The following WFDC11 variants were observed in gnomAD, a reference collection of about 807,000 sequenced individuals.
WFDC11 encodes WAP four-disulfide core domain 11, also known as protein WFDC11.
A neutral mutation model predicts 9.9 loss-of-function variants in WFDC11; 9 were observed. The observed-to-expected ratio is 0.91, with a 90% CI of 0.55 to 1.58. The LOEUF is 1.58. Among genes scored for constraint, WFDC11 ranks in the 40% most tolerant of loss-of-function variants. The probability of loss-of-function intolerance (pLI) is 0.00; values close to 1 mark genes in which losing one functional copy is unlikely to be tolerated. For missense variants in WFDC11, 106 were observed against 101.7 expected (o/e 1.04, Z -0.18); for synonymous variants, 32 against 33.3 (o/e 0.96, Z 0.13).
At chr20:45,666,852 T>C (rs893793181) in intron 2 of WFDC11, among the ~76,000 whole-genome samples, 8 of 152,232 alleles carry the variant, frequency 5.3e-5, no homozygotes, top group Non-Finnish European at 8.8e-5. Context: ...AGCATGTAGA[T>C]GATGCTGTGT....
At chr20:45,662,160 A>G (rs1374226656) in intron 2 of WFDC11, among the ~76,000 whole-genome samples, 1 of 151,970 alleles carries the variant, frequency 6.6e-6, no homozygotes, top group Non-Finnish European at 1.5e-5. Context: ...ATACCTAGGT[A>G]TTTTATTCTC....
intron 2 of WFDC11, among the ~76,000 whole-genome samples, chr20:45,657,116 A>C (rs1252167988): frequency 1.3e-5 from 2 of 152,188 alleles, no homozygotes; most frequent in Admixed American, 6.5e-5. Flanking sequence ...TCATGCTGCT[A>C]TAAAGACACA....
chr20:45,650,767 C>A (rs937983470), intron 2 of WFDC11, 116 bp from the exon 3 acceptor site: 4 of 583,214 alleles, frequency 6.9e-6, no homozygotes, highest in Non-Finnish European at 1.2e-5. Context: ...GCCTACCCAA[C>A]AACTGGCACA....
chr20:45,659,496 T>A (rs1023555405), intron 2 of WFDC11, among the ~76,000 whole-genome samples: 1 of 152,260 alleles, frequency 6.6e-6, no homozygotes, highest in Non-Finnish European at 1.5e-5. Flanking sequence ...GTTTGTTGGC[T>A]GCATAAACGT....
chr20:45,662,663 A>C (rs901664665), intron 2 of WFDC11, among the ~76,000 whole-genome samples: 1 of 152,214 alleles, frequency 6.6e-6, no homozygotes, highest in African/African-American at 2.4e-5. Flanking sequence ...CCTTTTCTGC[A>C]TCTATTGAGA....
At chr20:45,659,782 T>G (rs972550809) in intron 2 of WFDC11, among the ~76,000 whole-genome samples, 2 of 152,220 alleles carry the variant, frequency 1.3e-5, no homozygotes, top group Non-Finnish European at 2.9e-5. Context: ...TCATGAAGCC[T>G]TTGCTCATCC....
chr20:45,660,299 T>C (rs1340507656), intron 2 of WFDC11, among the ~76,000 whole-genome samples: 2 of 152,314 alleles, frequency 1.3e-5, no homozygotes, highest in East Asian at 3.9e-4. Context: ...AACAGGTTAT[T>C]TAATTTCCAT....
chr20:45,659,490 G>A (rs1381964104), intron 2 of WFDC11, among the ~76,000 whole-genome samples: 1 of 152,086 alleles, frequency 6.6e-6, no homozygotes, highest in African/African-American at 2.4e-5. Context: ...TCATATGTTT[G>A]TTGGCTGCAT....
At chr20:45,650,400 G>T in intron 3 of WFDC11, 101 bp downstream of exon 3, 1 of 874,730 alleles carries the variant, frequency 1.1e-6, no homozygotes, top group Non-Finnish European at 1.8e-6. Flanking sequence ...TACTACGAAG[G>T]TGGGTCCTGA....
At chr20:45,659,064 A>T (rs1000257159) in intron 2 of WFDC11, among the ~76,000 whole-genome samples, 4 of 152,256 alleles carry the variant, frequency 2.6e-5, no homozygotes, top group African/African-American at 9.6e-5. Flanking sequence ...ATGACTGCAT[A>T]GTATTCCATG....
chr20:45,661,705 T>C (rs1363350123), intron 2 of WFDC11, among the ~76,000 whole-genome samples: 1 of 152,152 alleles, frequency 6.6e-6, no homozygotes, highest in Non-Finnish European at 1.5e-5. Context: ...TTTTCTCAGG[T>C]TTGTCAAAGA....
rs773824154 is a variant in WFDC11, at chr20:45,649,260, G to GC, written c.239_240insG (p.Asn80LysfsTer12). 2 of 1,613,774 alleles carry GC rather than the reference G, an allele frequency of 1.2e-6. No homozygotes were observed. The highest frequency in any genetic ancestry group is 2.7e-5 in the African/African-American group (2 of 74,866). On this transcript the variant is annotated frameshift_variant, in exon 4 of 5. Transcript: ENST00000324384. LOFTEE classifies it low-confidence loss of function (END_TRUNC). ...AAGCAAACATCTCCCAACTCACGAC[G>GC]TTTATCCAGCAGATGTTTCCACAAT...
chr20:45,648,826 C>A, intron 4 of WFDC11, 87 bp from the exon 5 acceptor site: 2 of 1,361,122 alleles, frequency 1.5e-6, no homozygotes, highest in South Asian at 1.2e-5. Flanking sequence ...TATCCATGTT[C>A]ACCAGACAAT....
intron 2 of WFDC11, among the ~76,000 whole-genome samples, chr20:45,664,508 T>A (rs761865599): frequency 2.6e-5 from 4 of 152,262 alleles, no homozygotes; most frequent in Non-Finnish European, 4.4e-5. Flanking sequence ...AGTTTCTTCA[T>A]AGCCTTCATG....
chr20:45,652,145 G>T (rs948296212), intron 2 of WFDC11, among the ~76,000 whole-genome samples: 1 of 152,200 alleles, frequency 6.6e-6, no homozygotes, highest in African/African-American at 2.4e-5. Flanking sequence ...TCTCAAGTGG[G>T]TCCCTGACCC....
chr20:45,650,683 G>A, intron 2 of WFDC11, 32 bp from the exon 3 acceptor site: 2 of 1,161,056 alleles, frequency 1.7e-6, no homozygotes, highest in Non-Finnish European at 2.6e-6. Flanking sequence ...TAGGGAAAGA[G>A]AGGTGTGAAG....
At chr20:45,659,966 G>C (rs760082611) in intron 2 of WFDC11, among the ~76,000 whole-genome samples, 1 of 152,116 alleles carries the variant, frequency 6.6e-6, no homozygotes, top group Admixed American at 6.6e-5. Flanking sequence ...TTATTAAATA[G>C]GGAATGCTTT....
At chr20:45,663,558 G>A (rs143434605) in intron 2 of WFDC11, among the ~76,000 whole-genome samples, 19 of 152,260 alleles carry the variant, frequency 1.2e-4, no homozygotes, top group Admixed American at 6.5e-4. Flanking sequence ...TCTCTTGTGG[G>A]CATTTAGTGC....
chr20:45,660,557 C>T lies in WFDC11; in HGVS notation c.-52+6531G>A, dbSNP rs1224660481. On this transcript the variant is annotated intron_variant, in intron 2 of 4. Coordinates refer to ENST00000324384, the MANE Select transcript of WFDC11 (RefSeq NM_147197.2). ...ATTAGGTATATCTCCCAATGCTATC[C>T]CTCCCGCCTCTCCCCACCCCACAAC... 2.0e-5 allele frequency among the ~76,000 whole-genome samples: 3 copies of T among 152,038 alleles called. No individual in the cohort carries two copies. In the South Asian group the frequency reaches 6.2e-4, roughly 32 times the overall value.
Sources: gnomAD v4.1 joint callset for allele counts (sites outside exome capture counted in the v4.1 genomes callset) on GRCh38, gnomAD v4.1.1 for gene constraint, MANE v1.5 for transcripts, NCBI Gene and HGNC (gene_info 2026-07-23, HGNC 2026-07-21) for gene names.